Variants in LINGO1 observed in about 807,000 individuals in gnomAD.
The protein encoded by LINGO1 is leucine-rich repeat and immunoglobulin-like domain-containing nogo receptor-interacting protein 1.
Under a neutral mutation model 37.3 loss-of-function variants are expected in LINGO1, and 11 were observed. That is an observed-to-expected ratio of 0.29 (90% confidence interval 0.19 to 0.49). LINGO1 has a LOEUF of 0.49. LINGO1 is among the 20% of genes least tolerant of loss of function. The probability of loss-of-function intolerance (pLI) is 0.99; values close to 1 mark genes in which losing one functional copy is unlikely to be tolerated. For synonymous variants in LINGO1, 387 were observed against 403.0 expected, an observed-to-expected ratio of 0.96 and a Z score of 0.48; for missense variants, 585 against 878.2, an observed-to-expected ratio of 0.67 and a Z score of 4.22.
chr15:77,672,016 C>G (rs1257757619), intron 3 of LINGO1, among the ~76,000 whole-genome samples: 1 of 151,864 alleles, frequency 6.6e-6, no homozygotes, highest in Admixed American at 6.5e-5. Flanking sequence ...TCCTCCTCCT[C>G]CTCCTCCTCC....
In LINGO1 at chr15:77,632,224, G is replaced by T. The variant is rs1038849208; in HGVS notation, c.6+86C>A. On this transcript the variant is annotated intron_variant, in intron 1 of 1. Coordinates refer to ENST00000355300, the MANE Select transcript of LINGO1 (RefSeq NM_032808.7). This position sits in a 1 kb window ranked among gnomAD's most constrained non-coding sequence, Gnocchi z 6.0. ...ACCGAGGTGCCCTGCAACCCCAGGA[G>T]GGCGCAGCCAGGGCCGATGGCGGCC... The T allele has an allele frequency of 1.5e-5, 19 of 1,279,488 alleles. No homozygotes were observed. Among genetic ancestry groups the T allele is most frequent in the Non-Finnish European group, 1.8e-5 (18 of 1,010,922 alleles). 79.3% of individuals were successfully genotyped at this position (1,279,488 alleles called of 1,614,324 possible). A position where few individuals can be genotyped will look rare whatever the true frequency, so the allele number is the denominator to read the frequency against.
intron 1 of LINGO1, among the ~76,000 whole-genome samples, chr15:77,818,039 TA>T (rs1434660499): frequency 1.3e-5 from 2 of 152,180 alleles, no homozygotes; most frequent in Non-Finnish European, 2.9e-5. Context: ...TCAAGACTTC[TA>T]ACCACACAGG....
chr15:77,641,823 C>T (rs1044962284), intron 3 of LINGO1: 8 of 455,602 alleles, frequency 1.8e-5, no homozygotes, highest in Admixed American at 7.0e-5. Context: ...GACAAACCTG[C>T]GACAGAGGAT....
At chr15:77,759,473 C>G (rs1567567924) in intron 1 of LINGO1, among the ~76,000 whole-genome samples, 1 of 152,190 alleles carries the variant, frequency 6.6e-6, no homozygotes, top group East Asian at 1.9e-4. Flanking sequence ...GTTTCCCCAC[C>G]TGAAAAAATG....
At chr15:77,724,209 T>C (rs34543037) in intron 2 of LINGO1, among the ~76,000 whole-genome samples, 17,071 of 152,202 alleles carry the variant, frequency 0.11, 1,147 homozygotes, top group African/African-American at 0.18. Flanking sequence ...TCCCAGCACA[T>C]ACCTGTGCCC....
At chr15:77,687,374 C>T (rs1439134418) in intron 2 of LINGO1, among the ~76,000 whole-genome samples, 1 of 152,174 alleles carries the variant, frequency 6.6e-6, no homozygotes, top group Admixed American at 6.5e-5. Flanking sequence ...TTCTGTCCCC[C>T]CCTGTGAAAA....
intron 1 of LINGO1, among the ~76,000 whole-genome samples, chr15:77,630,853 GGT>G (rs1480348152): frequency 6.6e-6 from 1 of 152,116 alleles, no homozygotes; most frequent in Non-Finnish European, 1.5e-5. Context: ...CTTTCAGCAC[GGT>G]TCCAAGGAGT....
At chr15:77,621,040 A>T (rs1175533786) in intron 1 of LINGO1, among the ~76,000 whole-genome samples, 1 of 151,052 alleles carries the variant, frequency 6.6e-6, no homozygotes, top group East Asian at 1.9e-4. Flanking sequence ...AGTCCCTGCT[A>T]TGGGCCAGGT....
chr15:77,658,065 T>C (rs2074905139), intron 3 of LINGO1, among the ~76,000 whole-genome samples: 1 of 152,126 alleles, frequency 6.6e-6, no homozygotes, highest in Non-Finnish European at 1.5e-5. Context: ...GCCCCCAACC[T>C]GGGGTCTGGA....
At chr15:77,666,386 A>G (rs1445275552) in intron 3 of LINGO1, among the ~76,000 whole-genome samples, 1 of 152,210 alleles carries the variant, frequency 6.6e-6, no homozygotes, top group African/African-American at 2.4e-5. Context: ...GGAGGGAGCC[A>G]TGGGGCCTGC....
chr15:77,642,863 T>C (rs1228747941), intron 3 of LINGO1, among the ~76,000 whole-genome samples: 1 of 152,246 alleles, frequency 6.6e-6, no homozygotes, highest in Non-Finnish European at 1.5e-5. Context: ...CTGCACCCCT[T>C]ATCTCACTTG....
intron 1 of LINGO1, among the ~76,000 whole-genome samples, chr15:77,623,025 C>A (rs1049020347): frequency 6.6e-6 from 1 of 152,184 alleles, no homozygotes; most frequent in Non-Finnish European, 1.5e-5. Flanking sequence ...TGGGACCGGG[C>A]CTGATACAGC....
chr15:77,622,039 C>T (rs555520609), intron 1 of LINGO1, among the ~76,000 whole-genome samples: 9 of 152,290 alleles, frequency 5.9e-5, no homozygotes, highest in Admixed American at 3.3e-4. Context: ...TGGGTGTGCG[C>T]GGTCCTCGTC....
At chr15:77,735,692 G>T (rs927852906) in intron 1 of LINGO1, among the ~76,000 whole-genome samples, 1 of 152,232 alleles carries the variant, frequency 6.6e-6, no homozygotes, top group South Asian at 2.1e-4. Context: ...CCTGGGGGTG[G>T]TGGGGCCTGA....
chr15:77,704,735 A>G (rs1311982218), intron 2 of LINGO1, among the ~76,000 whole-genome samples: 1 of 152,190 alleles, frequency 6.6e-6, no homozygotes, highest in African/African-American at 2.4e-5. Flanking sequence ...CCCTGGTCAC[A>G]CACTCTAACC....
chr15:77,624,906 G>A (rs1012050223), intron 1 of LINGO1, among the ~76,000 whole-genome samples: 2 of 152,174 alleles, frequency 1.3e-5, no homozygotes, highest in Non-Finnish European at 2.9e-5. Flanking sequence ...CCCTTCTCAT[G>A]TCTTGAGATG....
At chr15:77,617,342 G>A (rs1023517117) in intron 1 of LINGO1, among the ~76,000 whole-genome samples, 3 of 151,966 alleles carry the variant, frequency 2.0e-5, no homozygotes, top group African/African-American at 7.2e-5. Flanking sequence ...GGTTGGGGGA[G>A]GGTAGGTCAG....
chr15:77,661,161 A>T (rs1191793102), intron 3 of LINGO1, among the ~76,000 whole-genome samples: 1 of 152,208 alleles, frequency 6.6e-6, no homozygotes, highest in Non-Finnish European at 1.5e-5. Context: ...GGAGCCAGCC[A>T]GGTTGCAGGG....
At chr15:77,810,394 G>A (rs895751625) in intron 1 of LINGO1, among the ~76,000 whole-genome samples, 1 of 152,108 alleles carries the variant, frequency 6.6e-6, no homozygotes, top group Non-Finnish European at 1.5e-5. Flanking sequence ...GAGAGGGACA[G>A]CGAGGAGGGC....
Sources: gnomAD v4.1 joint callset for allele counts (sites outside exome capture counted in the v4.1 genomes callset) on GRCh38, gnomAD v4.1.1 for gene constraint, Gnocchi (gnomAD v3.1) non-coding constraint, MANE v1.5 for transcripts, NCBI Gene and HGNC (gene_info 2026-07-23, HGNC 2026-07-21) for gene names.